Variants in DBNDD1 observed in about 807,000 individuals in gnomAD.
The protein encoded by DBNDD1 is dysbindin domain containing 1, also known as dysbindin domain-containing protein 1.
In DBNDD1, 14 loss-of-function variants were observed where a neutral mutation model predicts 17.0. The observed-to-expected ratio is 0.82, with a 90% CI of 0.54 to 1.29. The LOEUF (loss-of-function observed/expected upper bound fraction) is 1.29, where lower values mean the gene tolerates loss of function less well. DBNDD1 is among the 50% of genes most tolerant of loss of function. The pLI is 0.00. For missense variants in DBNDD1, 221 were observed against 216.2 expected (o/e 1.02, Z -0.14); for synonymous variants, 105 against 102.0 (o/e 1.03, Z -0.18).
At chr16:90,014,036 A>T (rs1428062874) in intron 1 of DBNDD1, among the ~76,000 whole-genome samples, 1 of 151,864 alleles carries the variant, frequency 6.6e-6, no homozygotes, top group Non-Finnish European at 1.5e-5. Context: ...GATCGTCAGG[A>T]CTTTGGTTTC....
intron 1 of DBNDD1, among the ~76,000 whole-genome samples, chr16:90,010,400 G>C: frequency 7.9e-6 from 1 of 126,138 alleles, no homozygotes; most frequent in African/African-American, 3.2e-5. Context: ...ACAGAGTCTC[G>C]CTCTGTCACC....
upstream of DBNDD1, chr16:90,019,781 G>C (rs2035746134): frequency 1.4e-6 from 1 of 691,212 alleles, no homozygotes; most frequent in Non-Finnish European, 2.6e-6. The surrounding 1 kb of genome is among the most constrained non-coding windows in gnomAD (Gnocchi z 6.1). Flanking sequence ...ACTTGCGTGT[G>C]GGGCGCCGAC....
chr16:90,009,542 A>G, intron 1 of DBNDD1, 112 bp from the exon 2 acceptor site: 2 of 1,491,820 alleles, frequency 1.3e-6, no homozygotes, highest in Non-Finnish European at 1.8e-6. Context: ...AACTCTGGGC[A>G]GTGACCAGCA....
intron 1 of DBNDD1, among the ~76,000 whole-genome samples, chr16:90,018,302 C>T (rs1017616378): frequency 1.3e-5 from 2 of 152,274 alleles, no homozygotes; most frequent in African/African-American, 4.8e-5. Flanking sequence ...AACCCACCAG[C>T]CCTGGGGCAT....
rs59831191 is a variant in DBNDD1 at position 90,013,262 on chromosome 16, T to TA, written c.32-3833dup. 2.5e-3 allele frequency among the ~76,000 whole-genome samples: 125 copies of TA among 49,150 alleles called. 18 individuals carry two copies. Among genetic ancestry groups the TA allele is most frequent in the African/African-American group, 3.6e-3 (52 of 14,266 alleles). The allele number at this position is 49,150 out of a possible 152,430, so 32.2% of individuals were successfully genotyped here. A position where few individuals can be genotyped will look rare whatever the true frequency, so the allele number is the denominator to read the frequency against. On this transcript the variant is annotated intron_variant, in intron 1 of 3. Coordinates refer to ENST00000002501, the MANE Select transcript of DBNDD1 (RefSeq NM_001042610.3). Reference sequence around the variant, plus strand: ...TGAGCAACAGAGCGAAACCTTGCCTTAAAAAAAAAAAAAAAAAAAAAGACA... The same window carrying TA: ...TGAGCAACAGAGCGAAACCTTGCCTTAAAAAAAAAAAAAAAAAAAAAAGACA...
At chr16:90,016,367 T>G (rs753761319) in intron 1 of DBNDD1, among the ~76,000 whole-genome samples, 1 of 152,212 alleles carries the variant, frequency 6.6e-6, no homozygotes, top group Non-Finnish European at 1.5e-5. Flanking sequence ...GGGCGAGACC[T>G]GCTGCTTTTC....
At chr16:90,008,055 CACACACCTCCCA>C (rs2035468073) in intron 3 of DBNDD1, among the ~76,000 whole-genome samples, 17 of 92,182 alleles carry the variant, frequency 1.8e-4, no homozygotes, top group South Asian at 3.7e-4. Flanking sequence ...CAGCCCACCA[CACACACCTCCCA>C]GGACGTCCCA....
chr16:90,008,735 C>T, intron 3 of DBNDD1, 49 bp downstream of exon 3: 1 of 1,564,246 alleles, frequency 6.4e-7, no homozygotes, highest in Non-Finnish European at 8.7e-7. Context: ...CCCAAGGGGC[C>T]TCAGCCCACC....
In DBNDD1 at chr16:90,009,352, G is replaced by T; in HGVS notation, c.110C>A (p.Pro37His). 1 of 1,613,530 alleles carries T rather than the reference G, an allele frequency of 6.2e-7. No individual in the cohort carries two copies. The highest frequency in any genetic ancestry group is 8.5e-7 in the Non-Finnish European group (1 of 1,180,002). The stretch of plus-strand genomic sequence containing the variant: ...GATGCCCCCGACCTCCTCCTCCACA[G>T]GCGTGTGGCCATTGTCCCCTGTCCC... ...AQGTGDNGHT[P>H]VEEEVGGIPV... Residue 37 changes from proline (P) to histidine (H), a missense_variant, in exon 2 of 4, where the codon CCT becomes CAT. Physicochemically the swap from Pro to His is moderately conservative, Grantham distance 77. Coordinates refer to ENST00000002501, the MANE Select transcript of DBNDD1 (RefSeq NM_001042610.3).
At chr16:90,009,004 T>A in intron 2 of DBNDD1, 80 bp from the exon 3 acceptor site, 1 of 1,449,684 alleles carries the variant, frequency 6.9e-7, no homozygotes. Flanking sequence ...GGAGAGAGTG[T>A]GCTGTGTCCT....
chr16:90,012,758 C>G (rs757530658), intron 1 of DBNDD1, among the ~76,000 whole-genome samples: 3 of 150,298 alleles, frequency 2.0e-5, no homozygotes, highest in Admixed American at 2.0e-4. Context: ...CGCACCTGGC[C>G]TCTCTCTCTC....
intron 1 of DBNDD1, among the ~76,000 whole-genome samples, chr16:90,015,732 C>T (rs1016060284): frequency 6.6e-6 from 1 of 152,134 alleles, no homozygotes; most frequent in African/African-American, 2.4e-5. Context: ...TCACCTCATT[C>T]GAGTGAAGGA....
chr16:90,007,967 C>A (rs1175109028), intron 3 of DBNDD1, among the ~76,000 whole-genome samples: 1 of 146,432 alleles, frequency 6.8e-6, no homozygotes, highest in Non-Finnish European at 1.5e-5. Flanking sequence ...AGGGGCCTCA[C>A]CCCCCAAACA....
chr16:90,019,643 G>C (rs2035740375), upstream of DBNDD1: 1 of 422,976 alleles, frequency 2.4e-6, no homozygotes, highest in Non-Finnish European at 4.1e-6. This position sits in a 1 kb window ranked among gnomAD's most constrained non-coding sequence, Gnocchi z 6.1. Context: ...CTTCCCTCGC[G>C]GGCCGCGCCC....
intron 1 of DBNDD1, among the ~76,000 whole-genome samples, chr16:90,011,988 C>T (rs2035563179): frequency 6.6e-6 from 1 of 152,216 alleles, no homozygotes; most frequent in Non-Finnish European, 1.5e-5. Flanking sequence ...AGCCCCAGGC[C>T]CCCGCCCACA....
Position 90,014,327 on chromosome 16 carries a change from C to A in DBNDD1, c.32-4897G>T, listed in dbSNP as rs752858474. 2.6e-4 allele frequency among the ~76,000 whole-genome samples: 39 copies of A among 152,028 alleles called. 1 individual carries two copies. In the East Asian group the frequency reaches 5.1e-3, roughly 20 times the overall value. ...TCTTTAGTAGAGATGGGGTTTCTCC[C>A]TGTTGGCCAGGCTGGTCTTGAACTC... On this transcript the variant is annotated intron_variant, in intron 1 of 3. Coordinates refer to ENST00000002501, the MANE Select transcript of DBNDD1 (RefSeq NM_001042610.3).
At chr16:90,015,874 A>C (rs979961578) in intron 1 of DBNDD1, among the ~76,000 whole-genome samples, 1 of 151,836 alleles carries the variant, frequency 6.6e-6, no homozygotes, top group East Asian at 1.9e-4. Flanking sequence ...GAGAACGGGT[A>C]TGGGTTTCTT....
At position 90,008,790 on chromosome 16, in the gene DBNDD1, G is replaced by C; in HGVS notation, c.313C>G (p.Pro105Ala). The change falls in exon 3 of 4, where the codon CCA becomes GCA. Residue 105 changes from proline to alanine, a missense_variant. Pro to Ala is a conservative substitution (Grantham distance 27). Coordinates refer to ENST00000002501, the MANE Select transcript of DBNDD1 (RefSeq NM_001042610.3). The part of the protein sequence containing the change: ...SDDENLNTES[P>A]AGLHPLPRAG... ...GCCCTGATGCCGGCCTCACCTGCTG[G>C]GGACTCGGTGTTGAGGTTCTCGTCG... 1 of 1,595,584 alleles carries C rather than the reference G, an allele frequency of 6.3e-7. No individual in the cohort carries two copies. Among genetic ancestry groups the C allele is most frequent in the Non-Finnish European group, 8.6e-7 (1 of 1,167,530 alleles).
intron 1 of DBNDD1, among the ~76,000 whole-genome samples, chr16:90,014,339 C>A (rs112579477): frequency 0.04 from 6,081 of 152,114 alleles, 172 homozygotes; most frequent in Non-Finnish European, 0.064. Flanking sequence ...GTTGGCCAGG[C>A]TGGTCTTGAA....
Sources: allele counts gnomAD v4.1 joint callset (sites outside exome capture counted in the v4.1 genomes callset), GRCh38; gene constraint gnomAD v4.1.1; non-coding constraint Gnocchi (gnomAD v3.1); transcripts MANE v1.5; gene names NCBI Gene and HGNC (gene_info 2026-07-23, HGNC 2026-07-21).